Variants in RYR1 observed in about 807,000 individuals in gnomAD.
RYR1 encodes ryanodine receptor 1.
A neutral mutation model predicts 583.5 loss-of-function variants in RYR1; 342 were observed. That is an observed-to-expected ratio of 0.59 (90% CI 0.54 to 0.64). The LOEUF (loss-of-function observed/expected upper bound fraction) is 0.64, where lower values mean the gene tolerates loss of function less well. Among genes scored for constraint, RYR1 ranks in the 30% least tolerant of loss-of-function variants. RYR1 has a pLI of 0.00. For missense variants in RYR1, 6,032 were observed against 6,917.2 expected, an observed-to-expected ratio of 0.87 and a Z score of 4.54; for synonymous variants, 2,791 against 2,822.5, an observed-to-expected ratio of 0.99 and a Z score of 0.35.
At chr19:38,462,970 C>A (rs1383734575) in intron 20 of RYR1, among the ~76,000 whole-genome samples, 1 of 134,954 alleles carries the variant, frequency 7.4e-6, no homozygotes, top group Non-Finnish European at 1.5e-5. Context: ...AATCTTGGCT[C>A]ACTGCAACCT....
chr19:38,502,675 CTCACCAAG>C lies in RYR1; in HGVS notation c.7784_7791del (p.Leu2595ArgfsTer4), dbSNP rs1600832922. 11 of 1,610,184 alleles carry C rather than the reference CTCACCAAG, an allele frequency of 6.8e-6. No individual in the cohort carries two copies. Among genetic ancestry groups the C allele is most frequent in the Non-Finnish European group, 2.5e-6 (3 of 1,179,750 alleles). On this transcript the variant is annotated frameshift_variant, in exon 48 of 106. Transcript: ENST00000359596. LOFTEE classifies it high-confidence loss of function. Reference sequence around the variant, plus strand: ...GTACCGCCTGTCTCGGGGTCGTTCGCTCACCAAGGCGCAGCGTGACGTCATCGAGGACT... The same window carrying C: ...GTACCGCCTGTCTCGGGGTCGTTCGCGCGCAGCGTGACGTCATCGAGGACT...
intron 76 of RYR1, among the ~76,000 whole-genome samples, chr19:38,529,488 A>G (rs535079557): frequency 6.6e-6 from 1 of 152,256 alleles, no homozygotes; most frequent in East Asian, 1.9e-4. Flanking sequence ...TCAAAAAGAA[A>G]AGAAAAGGAA....
At chr19:38,570,779 C>A in intron 94 of RYR1, 86 bp downstream of exon 94, 2 of 1,160,976 alleles carry the variant, frequency 1.7e-6, no homozygotes, top group Non-Finnish European at 2.6e-6. Flanking sequence ...TTTCAGGGTT[C>A]CTCCACTGAA....
intron 92 of RYR1, 126 bp from the exon 93 acceptor site, chr19:38,567,647 A>G (rs1973505579): frequency 5.1e-6 from 7 of 1,359,880 alleles, no homozygotes; most frequent in East Asian, 2.4e-5. Flanking sequence ...TCATCATCCC[A>G]TGTACCCAGT....
intron 16 of RYR1, 106 bp from the exon 17 acceptor site, chr19:38,457,391 T>C: frequency 2.6e-6 from 4 of 1,529,452 alleles, no homozygotes; most frequent in Non-Finnish European, 3.6e-6. Flanking sequence ...CCACATCTTA[T>C]CCCGATGCGC....
intron 101 of RYR1, among the ~76,000 whole-genome samples, chr19:38,582,017 C>T (rs1974236523): frequency 6.6e-6 from 1 of 152,150 alleles, no homozygotes; most frequent in South Asian, 2.1e-4. Flanking sequence ...CCTCCCTATG[C>T]CCTGGGGGCC....
At chr19:38,519,095 G>A (rs2145687995) in intron 66 of RYR1, 119 bp from the exon 67 acceptor site, 1 of 1,541,574 alleles carries the variant, frequency 6.5e-7, no homozygotes, top group South Asian at 1.1e-5. Context: ...TTAGGGTCAG[G>A]CTGGGGTCAA....
chr19:38,510,445 C>G (rs888629209), intron 58 of RYR1, 53 bp from the exon 59 acceptor site: 1 of 1,588,596 alleles, frequency 6.3e-7, no homozygotes, highest in Non-Finnish European at 8.6e-7. Context: ...ATCAGAACAC[C>G]CTGGGTTCCC....
In RYR1 at chr19:38,519,227, C is replaced by T. The variant is rs376687300; in HGVS notation, c.10032C>T (p.Pro3344=). The T allele has an allele frequency of 2.2e-5, 35 of 1,614,140 alleles. No individual in the cohort carries two copies. The African/African-American group carries it at 3.7e-4, about 17-fold the overall frequency. The change falls in exon 67 of 106, where the codon CCC becomes CCT. Residue 3344 remains proline (P), a synonymous_variant. Coordinates refer to ENST00000359596, the MANE Select transcript of RYR1 (RefSeq NM_000540.3). ...WMKRLAVFAQ[P]IVSRARPELL... ...GCACCCCTGCAGTGTTCGCACAGCC[C>T]ATTGTGAGCCGTGCACGGCCGGAGC...
At chr19:38,474,722 G>A (rs536417818) in intron 28 of RYR1, among the ~76,000 whole-genome samples, 1 of 151,278 alleles carries the variant, frequency 6.6e-6, no homozygotes, top group African/African-American at 2.4e-5. Context: ...CTACAGGTGT[G>A]TGCCACCACA....
At position 38,561,395 on chromosome 19, in the gene RYR1, A is replaced by G. The variant is rs755586427; in HGVS notation, c.12565A>G (p.Ile4189Val). ...CGAGATCATGGGCGCGTCACGCCGCATCGAGCGCATCTACTTCGAGATCTC... is the reference window on the plus strand; with the variant it reads ...CGAGATCATGGGCGCGTCACGCCGCGTCGAGCGCATCTACTTCGAGATCTC... The part of the protein sequence containing the change: ...RIEIMGASRR[I>V]ERIYFEISET... Residue 4189 changes from isoleucine (I) to valine (V), a missense_variant, in exon 90 of 106, where the codon ATC (isoleucine) becomes GTC (valine). Physicochemically the swap from Ile to Val is conservative, Grantham distance 29. Transcript: ENST00000359596. This position sits in a 1 kb window ranked among gnomAD's most constrained non-coding sequence, Gnocchi z 4.8. 2 of 1,613,064 alleles carry G rather than the reference A, an allele frequency of 1.2e-6. No individual in the cohort carries two copies. The highest frequency in any genetic ancestry group is 2.7e-5 in the African/African-American group (2 of 74,920).
chr19:38,480,661 G>A (rs1027237799), intron 31 of RYR1, among the ~76,000 whole-genome samples: 4 of 151,966 alleles, frequency 2.6e-5, no homozygotes, highest in Non-Finnish European at 4.4e-5. Context: ...GATTTCTCTG[G>A]TTGTCCCCAA....
chr19:38,494,938 C>T (rs552677298), intron 39 of RYR1, among the ~76,000 whole-genome samples: 10 of 151,188 alleles, frequency 6.6e-5, no homozygotes, highest in African/African-American at 1.9e-4. Flanking sequence ...CTGCAACCTC[C>T]GCCTCCCAGG....
intron 36 of RYR1, 98 bp from the exon 37 acceptor site, chr19:38,490,523 C>T (rs1000339606): frequency 3.4e-6 from 3 of 875,334 alleles, no homozygotes; most frequent in Non-Finnish European, 5.7e-6. Flanking sequence ...CGACTCATGA[C>T]CTTAGACATG....
intron 11 of RYR1, among the ~76,000 whole-genome samples, chr19:38,449,053 A>G (rs2145363488): frequency 6.6e-6 from 1 of 152,286 alleles, no homozygotes; most frequent in South Asian, 2.1e-4. Flanking sequence ...CAAAAAAGAC[A>G]AAGGGATATA....
At chr19:38,533,350 T>G (rs1044711257) in intron 78 of RYR1, among the ~76,000 whole-genome samples, 3 of 152,218 alleles carry the variant, frequency 2.0e-5, no homozygotes, top group Non-Finnish European at 4.4e-5. Context: ...CAGAGTCCCT[T>G]CTGGCATCTG....
chr19:38,587,251 TA>T, intron 105 of RYR1, 73 bp from the exon 106 acceptor site: 1 of 1,044,898 alleles, frequency 9.6e-7, no homozygotes, highest in Non-Finnish European at 1.5e-6. Flanking sequence ...ACACCCTGTC[TA>T]AAAATATATA....
In RYR1 at chr19:38,543,896, C is replaced by T. The variant is rs1972313438; in HGVS notation, c.12012+21C>T. 1.2e-6 allele frequency: 2 copies of T among 1,607,620 alleles called. No individual in the cohort carries two copies. The highest frequency in any genetic ancestry group is 1.7e-6 in the Non-Finnish European group (2 of 1,176,950). On this transcript the variant is annotated intron_variant, in intron 87 of 105. Coordinates refer to ENST00000359596, the MANE Select transcript of RYR1 (RefSeq NM_000540.3). This position sits in a 1 kb window ranked among gnomAD's most constrained non-coding sequence, Gnocchi z 4.4. ...CTCAGGTTCGAGCCCCTCTGGTCTC[C>T]ATCCACCTGCTTCCGGGCGTCCCCC...
chr19:38,464,278 GAAAAAAAAAAAAAAAA>G (rs547288253), intron 22 of RYR1, among the ~76,000 whole-genome samples: 11 of 64,244 alleles, frequency 1.7e-4, no homozygotes, highest in East Asian at 8.4e-4. Context: ...CACCGTTTCA[GAAAAAAAAAAAAAAAA>G]AAAAAAAAAA....
Sources: allele counts gnomAD v4.1 joint callset (sites outside exome capture counted in the v4.1 genomes callset), GRCh38; gene constraint gnomAD v4.1.1; non-coding constraint Gnocchi (gnomAD v3.1); transcripts MANE v1.5; gene names NCBI Gene and HGNC (gene_info 2026-07-23, HGNC 2026-07-21).